ERMN: variants seen among roughly 807,000 people sequenced by gnomAD.
The protein encoded by ERMN is ermin, also known as ermin, ERM-like protein.
ERMN carries 17 observed loss-of-function variants against 21.4 expected under a neutral mutation model. The ratio of observed to expected loss-of-function variants is 0.80; its 90% CI spans 0.54 to 1.19. The LOEUF is 1.19. Ranked by LOEUF, ERMN falls within the 50% of genes most tolerant of loss-of-function variation. ERMN has a pLI of 0.00. For missense variants in ERMN, 348 were observed against 331.6 expected (o/e 1.05, Z -0.38); for synonymous variants, 115 against 111.9 (o/e 1.03, Z -0.17).
rs969330315 is a variant in ERMN, at chr2:157,320,588, A to G, written c.*683T>C. The G allele has an allele frequency of 1.3e-5, 2 of 152,362 alleles. No individual in the cohort carries two copies. Among genetic ancestry groups the G allele is most frequent in the Admixed American group, 6.5e-5 (1 of 15,294 alleles). 9.4% of individuals were successfully genotyped at this position (152,362 alleles called of 1,614,324 possible). Reference sequence around the variant, plus strand: ...AGCCCCTCCCAGTGTCAACCTCACAATGGGTTTAATTCAGTTTGAAAGCAT... The same window carrying G: ...AGCCCCTCCCAGTGTCAACCTCACAGTGGGTTTAATTCAGTTTGAAAGCAT... On this transcript the variant is annotated 3_prime_UTR_variant, in exon 3 of 3. Coordinates refer to ENST00000410096, the MANE Select transcript of ERMN (RefSeq NM_020711.3).
At chr2:157,322,594 G>T (rs1281357418) in intron 2 of ERMN, among the ~76,000 whole-genome samples, 2 of 152,128 alleles carry the variant, frequency 1.3e-5, no homozygotes, top group Non-Finnish European at 2.9e-5. Flanking sequence ...AAGGTGAGAG[G>T]CAATGTTCCT....
At chr2:157,324,093 T>C (rs1683988382) in intron 2 of ERMN, 1 of 165,054 alleles carries the variant, frequency 6.1e-6, no homozygotes, top group Non-Finnish European at 1.3e-5. Context: ...CTACTAAAAA[T>C]ACACACACAC....
intron 2 of ERMN, among the ~76,000 whole-genome samples, chr2:157,323,952 C>T (rs1316370302): frequency 1.3e-5 from 2 of 152,094 alleles, no homozygotes; most frequent in Non-Finnish European, 2.9e-5. Context: ...CGTGAGATTA[C>T]TTTAAACTGT....
At chr2:157,326,041 TC>T, upstream of ERMN, 1 of 690,092 alleles carries the variant, frequency 1.4e-6, no homozygotes, top group Non-Finnish European at 1.8e-6. Context: ...GAGATTTTTG[TC>T]CCTTTTCATA....
upstream of ERMN, chr2:157,327,660 C>A (rs949231278): frequency 3.4e-6 from 2 of 582,462 alleles, no homozygotes; most frequent in Non-Finnish European, 6.2e-6. Context: ...TTTCCTTGGA[C>A]CAGAGATCCC....
intron 1 of ERMN, chr2:157,324,988 T>C (rs1684024716): frequency 3.2e-6 from 1 of 311,138 alleles, no homozygotes; most frequent in African/African-American, 2.2e-5. Context: ...AAGATATATA[T>C]ATAAGATATA....
At position 157,325,716 on chromosome 2, in the gene ERMN, G is replaced by T; in HGVS notation, c.-74C>A. ...TGAGTAGATCCTTGATAAGATACCTGCTCTTGCCTTCAAGTCCTATAGTTC... is the reference window on the plus strand; with the variant it reads ...TGAGTAGATCCTTGATAAGATACCTTCTCTTGCCTTCAAGTCCTATAGTTC... On this transcript the variant is annotated 5_prime_UTR_variant, in exon 1 of 3. Coordinates refer to ENST00000410096, the MANE Select transcript of ERMN (RefSeq NM_020711.3). 1 of 1,603,572 alleles carries T rather than the reference G, an allele frequency of 6.2e-7. No individual in the cohort carries two copies. The highest frequency in any genetic ancestry group is 8.5e-7 in the Non-Finnish European group (1 of 1,172,920).
chr2:157,325,772 A>G lies in ERMN; in HGVS notation c.-130T>C. The G allele has an allele frequency of 6.5e-7, 1 of 1,532,408 alleles. No individual in the cohort carries two copies. The highest frequency in any genetic ancestry group is 8.7e-7 in the Non-Finnish European group (1 of 1,143,022). 94.9% of individuals were successfully genotyped at this position (1,532,408 alleles called of 1,614,324 possible). A position where few individuals can be genotyped will look rare whatever the true frequency, so the allele number is the denominator to read the frequency against. On this transcript the variant is annotated 5_prime_UTR_variant, in exon 1 of 3. Coordinates refer to ENST00000410096, the MANE Select transcript of ERMN (RefSeq NM_020711.3). ...CCTACTCTAAGAGCACAAATTATTCACTTTAGTACATAATAACAAGGTTCT... is the reference window on the plus strand; with the variant it reads ...CCTACTCTAAGAGCACAAATTATTCGCTTTAGTACATAATAACAAGGTTCT...
At chr2:157,325,320 T>G (rs1457317516) in intron 1 of ERMN, 82 bp downstream of exon 1, 2 of 1,589,122 alleles carry the variant, frequency 1.3e-6, no homozygotes, top group Non-Finnish European at 1.7e-6. Flanking sequence ...GTCCAGCTCA[T>G]TTCGATAATA....
In ERMN at chr2:157,320,185, A is replaced by C. The variant is rs1025621375; in HGVS notation, c.*1086T>G. On this transcript the variant is annotated 3_prime_UTR_variant, in exon 3 of 3. Coordinates refer to ENST00000410096, the MANE Select transcript of ERMN (RefSeq NM_020711.3). ...GACACATTGGTTTGAGTGAAGCTCC[A>C]CAAGTACAATTTTAAGCATCTTGAT... The C allele has an allele frequency of 3.3e-5, 5 of 152,622 alleles. No homozygotes were observed. Among genetic ancestry groups the C allele is most frequent in the Non-Finnish European group, 5.9e-5 (4 of 68,024 alleles). 9.5% of individuals were successfully genotyped at this position (152,622 alleles called of 1,614,324 possible).
chr2:157,321,178 G>T lies in ERMN; in HGVS notation c.*93C>A. On this transcript the variant is annotated 3_prime_UTR_variant, in exon 3 of 3. Transcript: ENST00000410096. ...AGTCAACTTCCACCTCCCTCCAAGT[G>T]ATAACTCAAATAAGGCATAGAAATA... is the stretch of plus-strand genomic sequence containing the variant. 6.7e-7 allele frequency: 1 copy of T among 1,494,628 alleles called. No homozygotes were observed. The allele number at this position is 1,494,628 out of a possible 1,614,324, so 92.6% of individuals were successfully genotyped here.
intron 1 of ERMN, chr2:157,325,008 A>G (rs1684025687): frequency 5.5e-6 from 2 of 361,574 alleles, no homozygotes; most frequent in South Asian, 6.5e-5. Flanking sequence ...AGAACCATAA[A>G]TTCAGAGAAC....
At position 157,325,461 on chromosome 2, in the gene ERMN, C is replaced by G. The variant is rs1684042030; in HGVS notation, c.182G>C (p.Arg61Thr). 1 of 1,614,188 alleles carries G rather than the reference C, an allele frequency of 6.2e-7. No homozygotes were observed. Among genetic ancestry groups the G allele is most frequent in the Admixed American group, 1.7e-5 (1 of 60,022 alleles). The change falls in exon 1 of 3, where the codon AGA becomes ACA. Residue 61 changes from arginine (R) to threonine (T), a missense_variant. Coordinates refer to ENST00000410096, the MANE Select transcript of ERMN (RefSeq NM_020711.3). ...GALTKGSQEERRKLQGNMLLN... is the reference protein window; with the variant it reads ...GALTKGSQEETRKLQGNMLLN... ...CAGCATGTTCCCTTGTAATTTTCTTCTTTCCTCCTGACTTCCTTTGGTGAG... is the reference window on the plus strand; with the variant it reads ...CAGCATGTTCCCTTGTAATTTTCTTGTTTCCTCCTGACTTCCTTTGGTGAG...
chr2:157,321,265 G>T lies in ERMN; in HGVS notation c.*6C>A, dbSNP rs750374308. On this transcript the variant is annotated 3_prime_UTR_variant, in exon 3 of 3. Transcript: ENST00000410096. ...TGGGCATGAGAATTTCTCAGTTCCAGTTAGTTTATAAATGCATCATAGACT... is the reference window on the plus strand; with the variant it reads ...TGGGCATGAGAATTTCTCAGTTCCATTTAGTTTATAAATGCATCATAGACT... The T allele has an allele frequency of 6.2e-7, 1 of 1,608,304 alleles. No homozygotes were observed. The highest frequency in any genetic ancestry group is 8.5e-7 in the Non-Finnish European group (1 of 1,176,498).
Position 157,321,010 on chromosome 2 carries a change from C to G in ERMN, c.*261G>C, listed in dbSNP as rs956468336. The G allele has an allele frequency of 4.6e-6, 2 of 432,830 alleles. No individual in the cohort carries two copies. The highest frequency in any genetic ancestry group is 8.1e-6 in the Non-Finnish European group (2 of 246,092). The allele number at this position is 432,830 out of a possible 1,614,324, so 26.8% of individuals were successfully genotyped here. On this transcript the variant is annotated 3_prime_UTR_variant, in exon 3 of 3. Transcript: ENST00000410096. ...CCAGATTCCCCCAGGGGACTGACTG[C>G]TTAGTGCTTATCACACAATGCTATA...
intron 2 of ERMN, among the ~76,000 whole-genome samples, chr2:157,322,188 T>G (rs781209015): frequency 4.0e-5 from 6 of 151,696 alleles, no homozygotes; most frequent in Non-Finnish European, 5.9e-5. Context: ...ACTGGATACG[T>G]GCACATGTAA....
At position 157,321,766 on chromosome 2, in the gene ERMN, C is replaced by G; in HGVS notation, c.360G>C (p.Leu120=). The G allele has an allele frequency of 6.2e-7, 1 of 1,611,098 alleles. No individual in the cohort carries two copies. The highest frequency in any genetic ancestry group is 2.2e-5 in the East Asian group (1 of 44,822). ...TTCTTATTTCCTGGTTACTGCCACT[C>G]AGAGGAATCTTCTCCCACTGATGCC... is the stretch of plus-strand genomic sequence containing the variant. ...REGHQWEKIP[L]SGSNQEIRRQ... is the part of the protein sequence containing the mutation. The change falls in exon 3 of 3, where the codon CTG becomes CTC. Residue 120 remains leucine, a synonymous_variant. Transcript: ENST00000410096.
At chr2:157,325,216 A>AAATAGAC in intron 1 of ERMN, 186 bp downstream of exon 1, 2 of 812,926 alleles carry the variant, frequency 2.5e-6, no homozygotes, top group Non-Finnish European at 4.2e-6. Context: ...GTCTGGGGTC[A>AAATAGAC]CAGCTGTCAA....
Position 157,321,727 on chromosome 2 carries a change from C to A in ERMN, c.399G>T (p.Arg133Ser). 1 of 1,613,844 alleles carries A rather than the reference C, an allele frequency of 6.2e-7. No individual in the cohort carries two copies. Among genetic ancestry groups the A allele is most frequent in the Non-Finnish European group, 8.5e-7 (1 of 1,179,958 alleles). Residue 133 changes from arginine (R) to serine (S), a missense_variant, in exon 3 of 3, where the codon AGG becomes AGT. Transcript: ENST00000410096. Reference protein sequence around the residue: ...SNQEIRRQKERITEQPLKEEE... With the variant: ...SNQEIRRQKESITEQPLKEEE... ...CCTCTTTGAGAGGCTGCTCAGTAAT[C>A]CTCTCCTTCTGTCTTCTTATTTCCT...
Sources: allele counts gnomAD v4.1 joint callset (sites outside exome capture counted in the v4.1 genomes callset), GRCh38; gene constraint gnomAD v4.1.1; transcripts MANE v1.5; gene names NCBI Gene and HGNC (gene_info 2026-07-23, HGNC 2026-07-21).